The following PMEPA1 variants were observed in gnomAD, a reference collection of about 807,000 sequenced individuals.
PMEPA1 encodes protein TMEPAI.
PMEPA1 carries 11 observed loss-of-function variants against 23.0 expected under a neutral mutation model. The observed-to-expected ratio is 0.48, with a 90% CI of 0.30 to 0.79. The LOEUF is 0.79. Among genes scored for constraint, PMEPA1 ranks in the 30% least tolerant of loss-of-function variants. PMEPA1 has a pLI of 0.06. For missense variants in PMEPA1, 377 were observed against 390.9 expected, an observed-to-expected ratio of 0.96 and a Z score of 0.30; for synonymous variants, 204 against 166.4, an observed-to-expected ratio of 1.23 and a Z score of -1.74.
chr20:57,681,090 G>A (rs1199543611), intron 1 of PMEPA1, among the ~76,000 whole-genome samples: 1 of 152,224 alleles, frequency 6.6e-6, no homozygotes, highest in African/African-American at 2.4e-5. Flanking sequence ...CCCAGGGCCT[G>A]GGAGTCCCCA....
intron 1 of PMEPA1, among the ~76,000 whole-genome samples, chr20:57,666,235 A>T (rs977878778): frequency 2.6e-5 from 4 of 152,010 alleles, no homozygotes; most frequent in Non-Finnish European, 5.9e-5. Flanking sequence ...TCCTCCAGAG[A>T]CAGGCACAGT....
intron 1 of PMEPA1, among the ~76,000 whole-genome samples, chr20:57,665,660 T>C (rs116007612): frequency 0.013 from 1,939 of 152,282 alleles, 39 homozygotes; most frequent in African/African-American, 0.044. Context: ...GTTCCCCTGA[T>C]GGTCCCTGGA....
chr20:57,692,767 G>A (rs902123022), intron 1 of PMEPA1, among the ~76,000 whole-genome samples: 14 of 152,200 alleles, frequency 9.2e-5, no homozygotes, highest in Non-Finnish European at 1.9e-4. Flanking sequence ...CTTCATTGTG[G>A]AAAGAAAAGG....
intron 1 of PMEPA1, among the ~76,000 whole-genome samples, chr20:57,696,583 G>T (rs2071945622): frequency 6.6e-6 from 1 of 152,224 alleles, no homozygotes; most frequent in African/African-American, 2.4e-5. Context: ...AGTAGGAATT[G>T]CTAGGGTTCA....
intron 1 of PMEPA1, among the ~76,000 whole-genome samples, chr20:57,660,482 TAC>T (rs1235585957): frequency 7.9e-6 from 1 of 126,412 alleles, no homozygotes; most frequent in Non-Finnish European, 1.6e-5. Flanking sequence ...CCAACACTCC[TAC>T]ACACACAACA....
At chr20:57,667,659 G>A (rs965827493) in intron 1 of PMEPA1, among the ~76,000 whole-genome samples, 3 of 152,224 alleles carry the variant, frequency 2.0e-5, no homozygotes, top group Non-Finnish European at 4.4e-5. Context: ...GCCGCACACC[G>A]AGGAATTAGG....
At chr20:57,696,556 G>A (rs1348559262) in intron 1 of PMEPA1, among the ~76,000 whole-genome samples, 1 of 152,184 alleles carries the variant, frequency 6.6e-6, no homozygotes, top group Non-Finnish European at 1.5e-5. Context: ...AGAGCTCAGT[G>A]AGCACCTGCC....
At position 57,700,508 on chromosome 20, in the gene PMEPA1, G is replaced by A. The variant is rs557175788; in HGVS notation, c.109+8966C>T. Among the ~76,000 whole-genome samples the A allele has an allele frequency of 2.6e-5, 4 of 152,284 alleles. No homozygotes were observed. The South Asian group carries it at 8.3e-4, about 32-fold the overall frequency. ...CTGTTAGGTGGTTCTAGCTGTGGCCGTCCAGCCCAAGGGGAGTCTAGCACC... is the reference window on the plus strand; with the variant it reads ...CTGTTAGGTGGTTCTAGCTGTGGCCATCCAGCCCAAGGGGAGTCTAGCACC... On this transcript the variant is annotated intron_variant, in intron 1 of 3. Coordinates refer to ENST00000341744, the MANE Select transcript of PMEPA1 (RefSeq NM_020182.5).
intron 2 of PMEPA1, among the ~76,000 whole-genome samples, chr20:57,653,700 C>A (rs2071286589): frequency 1.3e-5 from 2 of 152,204 alleles, no homozygotes; most frequent in Non-Finnish European, 2.9e-5. Flanking sequence ...GGGGCCTCAA[C>A]AAGCTCAGCC....
At chr20:57,708,524 C>G (rs1424029714) in intron 1 of PMEPA1, among the ~76,000 whole-genome samples, 1 of 152,174 alleles carries the variant, frequency 6.6e-6, no homozygotes, top group Non-Finnish European at 1.5e-5. Flanking sequence ...TTCAAAACCC[C>G]ACTCCCCACC....
rs145391723 is a variant in PMEPA1, at chr20:57,699,965, A to C, written c.109+9509T>G. ...TACATATATCATACATAAAATACAA[A>C]TGTATATTGTATATACTTGAAGATA... On this transcript the variant is annotated intron_variant, in intron 1 of 3. Transcript: ENST00000341744. 11 of 461,628 alleles carry C rather than the reference A, an allele frequency of 2.4e-5. No homozygotes were observed. The Middle Eastern group carries it at 2.9e-3, about 123-fold the overall frequency. The allele number at this position is 461,628 out of a possible 1,614,324, so 28.6% of individuals were successfully genotyped here.
At position 57,663,910 on chromosome 20, in the gene PMEPA1, G is replaced by A. The variant is rs368039653; in HGVS notation, c.110-4213C>T. ...GCCCCACCGGCGCGGATGCTGTGCG[G>A]GAGGAAGGCTGGTCAGGCACAGCAG... On this transcript the variant is annotated intron_variant, in intron 1 of 3. Transcript: ENST00000341744. Among the ~76,000 whole-genome samples, 37 of 152,346 alleles carry A rather than the reference G, an allele frequency of 2.4e-4. No homozygotes were observed. The East Asian group carries it at 6.6e-3, about 27-fold the overall frequency.
rs1383827759 is a variant in PMEPA1 at position 57,655,983 on chromosome 20, A to G, written c.265-2897T>C. 6.6e-6 allele frequency among the ~76,000 whole-genome samples: 1 copy of G among 152,008 alleles called. No individual in the cohort carries two copies. The highest frequency in any genetic ancestry group is 1.5e-5 in the Non-Finnish European group (1 of 67,982). ...CTCATTGACAAAACCAGGCAGCCGC[A>G]GTGAGCTGACGCTCAGGCAGCTCCT... On this transcript the variant is annotated intron_variant, in intron 2 of 3. Coordinates refer to ENST00000341744, the MANE Select transcript of PMEPA1 (RefSeq NM_020182.5). The surrounding 1 kb of genome is among the most constrained non-coding windows in gnomAD (Gnocchi z 4.2).
Position 57,659,630 on chromosome 20 carries a change from C to T in PMEPA1, c.177G>A (p.Thr59=), listed in dbSNP as rs533284164. The part of the protein sequence containing the change: ...VVMMVMVVVI[T]CLLSHYKLSA... ...ACAGCTTGTAGTGGCTCAGCAGGCA[C>T]GTGATCACCACCACCATCACCATCA... Residue 59 remains threonine (T), a synonymous_variant, in exon 2 of 4, where the codon ACG becomes ACA. Coordinates refer to ENST00000341744, the MANE Select transcript of PMEPA1 (RefSeq NM_020182.5). 25 of 1,612,116 alleles carry T rather than the reference C, an allele frequency of 1.6e-5. No homozygotes were observed. The South Asian group carries it at 1.8e-4, about 11-fold the overall frequency.
intron 2 of PMEPA1, among the ~76,000 whole-genome samples, chr20:57,657,733 C>A (rs934015563): frequency 6.6e-6 from 1 of 152,210 alleles, no homozygotes; most frequent in African/African-American, 2.4e-5. Context: ...CAGGGACAGG[C>A]CTTCCGGCTA....
chr20:57,702,121 G>A (rs544540087), intron 1 of PMEPA1, among the ~76,000 whole-genome samples: 1 of 152,142 alleles, frequency 6.6e-6, no homozygotes, highest in Non-Finnish European at 1.5e-5. Context: ...TCCCTACAAG[G>A]GCAGCAGCTC....
chr20:57,680,553 A>T (rs951591871), intron 1 of PMEPA1, among the ~76,000 whole-genome samples: 5 of 152,228 alleles, frequency 3.3e-5, no homozygotes, highest in African/African-American at 1.2e-4. Context: ...ATCAGATGAT[A>T]GTGAATATCT....
chr20:57,652,735 C>T lies in PMEPA1; in HGVS notation c.319-137G>A. On this transcript the variant is annotated intron_variant, in intron 3 of 3. Transcript: ENST00000341744. The surrounding 1 kb of genome is among the most constrained non-coding windows in gnomAD (Gnocchi z 6.1). ...GAGAGGGCAGCAGGGCTGGCGGGGG[C>T]GGGAGCCCAGAGCCTGATCCCGCGG... 2.4e-6 allele frequency: 2 copies of T among 847,126 alleles called. No individual in the cohort carries two copies. The highest frequency in any genetic ancestry group is 3.6e-6 in the Non-Finnish European group (2 of 563,362). The allele number at this position is 847,126 out of a possible 1,614,324, so 52.5% of individuals were successfully genotyped here. A position where few individuals can be genotyped will look rare whatever the true frequency, so the allele number is the denominator to read the frequency against.
chr20:57,675,453 C>T (rs190446502), intron 1 of PMEPA1, among the ~76,000 whole-genome samples: 51 of 152,342 alleles, frequency 3.3e-4, no homozygotes, highest in Non-Finnish European at 6.0e-4. Flanking sequence ...GACCCACGTG[C>T]CCCCCAACCA....
Sources: gnomAD v4.1 joint callset for allele counts (sites outside exome capture counted in the v4.1 genomes callset) on GRCh38, gnomAD v4.1.1 for gene constraint, Gnocchi (gnomAD v3.1) non-coding constraint, MANE v1.5 for transcripts, NCBI Gene and HGNC (gene_info 2026-07-23, HGNC 2026-07-21) for gene names.